The following VMP1 variants were observed in gnomAD, a reference collection of about 807,000 sequenced individuals.
VMP1 encodes the protein ectopic P-granules autophagy protein 3 homolog.
Under a neutral mutation model 56.0 loss-of-function variants are expected in VMP1, and 11 were observed. The observed-to-expected ratio is 0.20, with a 90% CI of 0.12 to 0.32. VMP1 has a LOEUF of 0.32. VMP1 is among the 10% of genes least tolerant of loss of function. The pLI is 1.00. For synonymous variants in VMP1, 149 were observed against 165.0 expected (o/e 0.90, Z 0.74); for missense variants, 296 against 490.3 (o/e 0.60, Z 3.74).
intron 7 of VMP1, among the ~76,000 whole-genome samples, chr17:59,785,186 T>C (rs1223576274): frequency 6.6e-6 from 1 of 152,202 alleles, no homozygotes; most frequent in African/African-American, 2.4e-5. Flanking sequence ...GTGGTACATA[T>C]TTACTTACAA....
intron 5 of VMP1, among the ~76,000 whole-genome samples, chr17:59,746,482 A>G (rs1285804703): frequency 6.6e-6 from 1 of 152,212 alleles, no homozygotes; most frequent in African/African-American, 2.4e-5. Context: ...ATATTTTTAG[A>G]TATAACTGAA....
chr17:59,718,081 G>A (rs117742403), intron 1 of VMP1, among the ~76,000 whole-genome samples: 2,373 of 151,318 alleles, frequency 0.016, 31 homozygotes, highest in Middle Eastern at 0.045. Flanking sequence ...ATTATTGGGA[G>A]ATTAATGGAG....
chr17:59,800,821 C>T (rs545538146), intron 7 of VMP1, among the ~76,000 whole-genome samples: 71 of 152,056 alleles, frequency 4.7e-4, no homozygotes, highest in Non-Finnish European at 9.4e-4. Flanking sequence ...GTGGCTCATG[C>T]CTGTAGTCCC....
At chr17:59,807,901 T>C (rs2037907251) in intron 7 of VMP1, among the ~76,000 whole-genome samples, 1 of 151,776 alleles carries the variant, frequency 6.6e-6, no homozygotes, top group South Asian at 2.1e-4. Flanking sequence ...TGAAGACTTA[T>C]TAATAAAGCA....
chr17:59,769,922 T>C (rs1201850860), intron 6 of VMP1, among the ~76,000 whole-genome samples: 1 of 152,184 alleles, frequency 6.6e-6, no homozygotes, highest in Non-Finnish European at 1.5e-5. Flanking sequence ...CAGTATCTAA[T>C]TTGAGATAAA....
intron 9 of VMP1, among the ~76,000 whole-genome samples, chr17:59,816,444 T>C (rs564258024): frequency 6.6e-6 from 1 of 152,246 alleles, no homozygotes; most frequent in African/African-American, 2.4e-5. Flanking sequence ...ATTAGTCTTC[T>C]TGCCAGAAAT....
At chr17:59,809,121 T>A (rs1351580160) in intron 8 of VMP1, among the ~76,000 whole-genome samples, 1 of 150,982 alleles carries the variant, frequency 6.6e-6, no homozygotes, top group African/African-American at 2.4e-5. Context: ...TGTCTCAGCC[T>A]CCCTAGTAGC....
intron 5 of VMP1, among the ~76,000 whole-genome samples, chr17:59,748,216 A>C (rs969557943): frequency 1.3e-5 from 2 of 151,484 alleles, no homozygotes; most frequent in African/African-American, 4.9e-5. Context: ...AAAAAAAAAA[A>C]ACCTTTCCTT....
Position 59,717,974 on chromosome 17 carries a change from A to G in VMP1, c.-27+10226A>G, listed in dbSNP as rs546258766. Among the ~76,000 whole-genome samples the G allele has an allele frequency of 6.6e-5, 10 of 152,220 alleles. No individual in the cohort carries two copies. The East Asian group carries it at 1.9e-3, about 29-fold the overall frequency. ...CAGGGCAGTTTATAATTTTTCAACA[A>G]TTAGAAACCTGTGATGAGTTGAGTG... On this transcript the variant is annotated intron_variant, in intron 1 of 11. Coordinates refer to ENST00000262291, the MANE Select transcript of VMP1 (RefSeq NM_030938.5).
At chr17:59,806,922 A>G (rs2144202368) in intron 7 of VMP1, among the ~76,000 whole-genome samples, 1 of 151,960 alleles carries the variant, frequency 6.6e-6, no homozygotes, top group East Asian at 1.9e-4. Flanking sequence ...TTTTTTTTTA[A>G]TATAGTTTAT....
chr17:59,738,846 C>T lies in VMP1; in HGVS notation c.313C>T (p.Arg105Cys), dbSNP rs752469211. 5 of 1,610,808 alleles carry T rather than the reference C, an allele frequency of 3.1e-6. No individual in the cohort carries two copies. Among genetic ancestry groups the T allele is most frequent in the East Asian group, 2.2e-5 (1 of 44,692 alleles). Residue 105 changes from arginine (R) to cysteine (C), a missense_variant, in exon 5 of 12, where the codon CGT (arginine) becomes TGT (cysteine). By Grantham distance (180) the Arg-to-Cys change is radical (BLOSUM62 -3). Around this residue, in one of 4 missense-constraint regions of VMP1, gnomAD observed 126 missense variants for 231.6 expected, o/e 0.54. Coordinates refer to ENST00000262291, the MANE Select transcript of VMP1 (RefSeq NM_030938.5). Reference sequence around the variant, plus strand: ...CATCCCTTTTTTTCAGTATGTGCAACGTATAGAGAAACAGTTTCTTTTGTA... The same window carrying T: ...CATCCCTTTTTTTCAGTATGTGCAATGTATAGAGAAACAGTTTCTTTTGTA... ...VEGVHQQYVQ[R>C]IEKQFLLYAY...
At chr17:59,810,300 T>C (rs2038012771) in intron 8 of VMP1, among the ~76,000 whole-genome samples, 2 of 152,022 alleles carry the variant, frequency 1.3e-5, no homozygotes, top group Admixed American at 1.3e-4. Flanking sequence ...ATTACAATCA[T>C]GCACCACTAC....
At chr17:59,833,622 A>T (rs1295001603) in intron 10 of VMP1, among the ~76,000 whole-genome samples, 1 of 152,220 alleles carries the variant, frequency 6.6e-6, no homozygotes, top group Non-Finnish European at 1.5e-5. Context: ...TAATCTCAGC[A>T]TTATCCTCAA....
rs2038927701 is a variant in VMP1, at chr17:59,834,786, G to A, written c.975-3509G>A. On this transcript the variant is annotated intron_variant, in intron 10 of 11. Transcript: ENST00000262291. ...ATTGCAGGCACTCTCCATCATGCCC[G>A]GCTAATTTTTGTATTTTAGTAGAGA... Among the ~76,000 whole-genome samples, 6 of 152,142 alleles carry A rather than the reference G, an allele frequency of 3.9e-5. No individual in the cohort carries two copies. In the South Asian group the frequency reaches 1.0e-3, roughly 26 times the overall value.
At chr17:59,716,328 T>C (rs1458634223) in intron 1 of VMP1, among the ~76,000 whole-genome samples, 3 of 152,208 alleles carry the variant, frequency 2.0e-5, no homozygotes, top group Non-Finnish European at 4.4e-5. Flanking sequence ...GATAGTTTCA[T>C]AGATACTACG....
chr17:59,710,198 A>T (rs1376587448), intron 1 of VMP1, among the ~76,000 whole-genome samples: 2 of 151,424 alleles, frequency 1.3e-5, no homozygotes, highest in South Asian at 4.2e-4. Flanking sequence ...CTCCGTCTCA[A>T]AAAAAAAAGA....
At chr17:59,762,659 C>T (rs1282323132) in intron 5 of VMP1, among the ~76,000 whole-genome samples, 1 of 152,050 alleles carries the variant, frequency 6.6e-6, no homozygotes, top group Non-Finnish European at 1.5e-5. Context: ...ACCACATCTG[C>T]CTCAAAGGCT....
At chr17:59,724,042 T>A (rs2034495821) in intron 1 of VMP1, among the ~76,000 whole-genome samples, 1 of 151,652 alleles carries the variant, frequency 6.6e-6, no homozygotes, top group Non-Finnish European at 1.5e-5. Context: ...GGAAACCCAG[T>A]CTCTACTAAA....
rs59535247 is a variant in VMP1, at chr17:59,771,166, C to CTT, written c.583-2577_583-2576dup. 1.4e-3 allele frequency among the ~76,000 whole-genome samples: 204 copies of CTT among 146,344 alleles called. 1 individual carries two copies. The highest frequency in any genetic ancestry group is 4.0e-3 in the African/African-American group (159 of 39,948). On this transcript the variant is annotated intron_variant, in intron 6 of 11. Coordinates refer to ENST00000262291, the MANE Select transcript of VMP1 (RefSeq NM_030938.5). ...TATTAGTATCCCAGTTACATTACAC[C>CTT]TTTTTTTTTTTTGAATTATTAACTG...
Sources: gnomAD v4.1 joint callset for allele counts (sites outside exome capture counted in the v4.1 genomes callset) on GRCh38, gnomAD v4.1.1 for gene constraint, gnomAD v4.1.1 regional missense constraint, MANE v1.5 for transcripts, NCBI Gene and HGNC (gene_info 2026-07-23, HGNC 2026-07-21) for gene names.